The following OSTF1 variants were observed in gnomAD, a reference collection of about 807,000 sequenced individuals.
The protein encoded by OSTF1 is osteoclast-stimulating factor 1.
Under a neutral mutation model 37.2 loss-of-function variants are expected in OSTF1, and 27 were observed. The ratio of observed to expected loss-of-function variants is 0.73; its 90% CI spans 0.54 to 1.00. The LOEUF is 1.00. Among genes scored for constraint, OSTF1 ranks in the 50% least tolerant of loss-of-function variants. The pLI, the probability that OSTF1 is intolerant of heterozygous loss-of-function variation, is 0.00. For missense variants in OSTF1, 232 were observed against 253.8 expected (o/e 0.91, Z 0.58); for synonymous variants, 82 against 89.2 (o/e 0.92, Z 0.46).
At chr9:75,094,323 G>A (rs961572235) in intron 1 of OSTF1, among the ~76,000 whole-genome samples, 21 of 151,186 alleles carry the variant, frequency 1.4e-4, no homozygotes, top group African/African-American at 4.4e-4. Context: ...CCACTAAATC[G>A]TTATGAATGA....
intron 1 of OSTF1, 145 bp downstream of exon 1, chr9:75,088,871 A>T: frequency 1.4e-6 from 1 of 725,350 alleles, no homozygotes; most frequent in Middle Eastern, 3.8e-4. Context: ...GGGCGCTCTT[A>T]GTTTTGCGTT....
chr9:75,108,840 C>T (rs574221323), intron 1 of OSTF1, among the ~76,000 whole-genome samples: 2 of 152,238 alleles, frequency 1.3e-5, no homozygotes, highest in South Asian at 4.1e-4. Context: ...GCTTTTTCTA[C>T]AGACCTTGTT....
chr9:75,133,236 CA>C, intron 5 of OSTF1, 57 bp from the exon 6 acceptor site: 1 of 1,094,054 alleles, frequency 9.1e-7, no homozygotes, highest in Non-Finnish European at 1.4e-6. Flanking sequence ...GATTTAAAAG[CA>C]AAATAAAAAG....
intron 1 of OSTF1, among the ~76,000 whole-genome samples, chr9:75,091,152 C>A (rs910905336): frequency 7.1e-6 from 1 of 141,428 alleles, no homozygotes; most frequent in Non-Finnish European, 1.5e-5. Context: ...GTGGCGCGAT[C>A]TCGGCTCACT....
intron 1 of OSTF1, among the ~76,000 whole-genome samples, chr9:75,098,367 T>C (rs1310461764): frequency 6.6e-6 from 1 of 152,188 alleles, no homozygotes; most frequent in African/African-American, 2.4e-5. Flanking sequence ...GGGGGCATAA[T>C]GTACTAATAA....
chr9:75,133,090 G>C (rs1825789785), intron 5 of OSTF1, among the ~76,000 whole-genome samples: 2 of 151,626 alleles, frequency 1.3e-5, no homozygotes, highest in African/African-American at 4.9e-5. Flanking sequence ...CTTATCATTA[G>C]AAACATTGAT....
intron 1 of OSTF1, among the ~76,000 whole-genome samples, chr9:75,094,616 A>G (rs1283433119): frequency 1.3e-5 from 2 of 152,080 alleles, no homozygotes; most frequent in Non-Finnish European, 2.9e-5. Context: ...AACAGAACCC[A>G]TTGCCAAAGT....
chr9:75,138,685 T>C (rs1289988961), intron 8 of OSTF1, among the ~76,000 whole-genome samples: 3 of 152,250 alleles, frequency 2.0e-5, no homozygotes, highest in Admixed American at 2.0e-4. Flanking sequence ...AAAAATTATA[T>C]ATGTGGATCA....
chr9:75,106,461 G>A (rs1044790950), intron 1 of OSTF1, among the ~76,000 whole-genome samples: 8 of 151,784 alleles, frequency 5.3e-5, no homozygotes, highest in Non-Finnish European at 1.0e-4. Context: ...CCTGGCCAAC[G>A]TGGTGAAACT....
At chr9:75,143,432 C>T (rs533439105) in intron 9 of OSTF1, among the ~76,000 whole-genome samples, 2 of 152,242 alleles carry the variant, frequency 1.3e-5, no homozygotes, top group South Asian at 2.1e-4. Flanking sequence ...CACCTGTTCA[C>T]CACAACCCAG....
chr9:75,109,116 G>A (rs1183375058), intron 1 of OSTF1, among the ~76,000 whole-genome samples: 1 of 151,122 alleles, frequency 6.6e-6, no homozygotes, highest in East Asian at 1.9e-4. Context: ...GTGTTCAAGA[G>A]ATTCTCCTGC....
intron 1 of OSTF1, among the ~76,000 whole-genome samples, chr9:75,110,496 ATTT>A (rs1825367314): frequency 6.6e-6 from 1 of 152,092 alleles, no homozygotes; most frequent in South Asian, 2.1e-4. Context: ...CATTGTCAGT[ATTT>A]TTCACTTTAG....
At position 75,133,463 on chromosome 9, in the gene OSTF1, C is replaced by T. The variant is rs533352770; in HGVS notation, c.358+62C>T. 16 of 969,320 alleles carry T rather than the reference C, an allele frequency of 1.7e-5. No individual in the cohort carries two copies. In the Middle Eastern group the frequency reaches 1.9e-3, roughly 112 times the overall value. 60.0% of individuals were successfully genotyped at this position (969,320 alleles called of 1,614,324 possible). A position where few individuals can be genotyped will look rare whatever the true frequency, so the allele number is the denominator to read the frequency against. ...TGAAAATGTGTTTCACCTACGGGAG[C>T]CAGATTTACAAAAAATGAGAAAGGA... On this transcript the variant is annotated intron_variant, in intron 6 of 9. Transcript: ENST00000346234.
intron 1 of OSTF1, among the ~76,000 whole-genome samples, chr9:75,098,421 G>GA (rs1402982766): frequency 6.6e-6 from 1 of 152,164 alleles, no homozygotes; most frequent in East Asian, 1.9e-4. Flanking sequence ...ACATAGGGCA[G>GA]AATTTTTTTT....
intron 1 of OSTF1, among the ~76,000 whole-genome samples, 165 bp from the exon 2 acceptor site, chr9:75,117,339 C>T (rs1214202676): frequency 6.6e-6 from 1 of 152,094 alleles, no homozygotes; most frequent in Non-Finnish European, 1.5e-5. Flanking sequence ...GGAAATCTCT[C>T]CCTGTCCTTC....
At chr9:75,113,938 C>G (rs910557419) in intron 1 of OSTF1, among the ~76,000 whole-genome samples, 3 of 152,298 alleles carry the variant, frequency 2.0e-5, no homozygotes, top group East Asian at 1.9e-4. Context: ...ACCAGCATCC[C>G]CCCAAGTCTC....
chr9:75,129,349 A>G (rs1408041423), intron 3 of OSTF1, among the ~76,000 whole-genome samples: 1 of 152,212 alleles, frequency 6.6e-6, no homozygotes, highest in Non-Finnish European at 1.5e-5. Context: ...TACCTGGGCA[A>G]TCTGAGAGCT....
intron 2 of OSTF1, among the ~76,000 whole-genome samples, chr9:75,123,635 A>T (rs3824348): frequency 0.35 from 53,628 of 152,038 alleles, 9,882 homozygotes; most frequent in East Asian, 0.52. Context: ...TTGTTAAAAT[A>T]ATGAAATTAC....
At chr9:75,122,934 A>G (rs1442906809) in intron 2 of OSTF1, among the ~76,000 whole-genome samples, 5 of 152,202 alleles carry the variant, frequency 3.3e-5, no homozygotes, top group Admixed American at 3.3e-4. Flanking sequence ...GTTTTTCTAA[A>G]CTTTTCATAA....
Sources: gnomAD v4.1 joint callset for allele counts (sites outside exome capture counted in the v4.1 genomes callset) on GRCh38, gnomAD v4.1.1 for gene constraint, MANE v1.5 for transcripts, NCBI Gene and HGNC (gene_info 2026-07-23, HGNC 2026-07-21) for gene names.